Variants in CHL1 observed in about 807,000 individuals in gnomAD.
CHL1 encodes the protein cell adhesion molecule L1 like, also known as neural cell adhesion molecule L1-like protein.
Under a neutral mutation model 141.9 loss-of-function variants are expected in CHL1, and 96 were observed. The observed-to-expected ratio is 0.68, with a 90% confidence interval of 0.57 to 0.80. CHL1 has a LOEUF of 0.80. Among genes scored for constraint, CHL1 ranks in the 30% least tolerant of loss-of-function variants. The pLI is 0.00. For missense variants in CHL1, 1,820 were observed against 1,457.2 expected, an observed-to-expected ratio of 1.25 and a Z score of -4.05; for synonymous variants, 613 against 502.2, an observed-to-expected ratio of 1.22 and a Z score of -2.95.
At chr3:339,549 CCAAAGT>C (rs1454266150) in intron 5 of CHL1, among the ~76,000 whole-genome samples, 1 of 152,138 alleles carries the variant, frequency 6.6e-6, no homozygotes, top group Non-Finnish European at 1.5e-5. Context: ...ATAAAGAGAA[CCAAAGT>C]CTGCCTTCCG....
intron 1 of CHL1, among the ~76,000 whole-genome samples, chr3:216,942 T>C (rs922254661): frequency 6.6e-6 from 1 of 152,210 alleles, no homozygotes; most frequent in Non-Finnish European, 1.5e-5. Flanking sequence ...CAGCATAAGA[T>C]ATTAAATCAC....
At chr3:334,670 A>G (rs1022829337) in intron 5 of CHL1, among the ~76,000 whole-genome samples, 2 of 152,178 alleles carry the variant, frequency 1.3e-5, no homozygotes, top group Non-Finnish European at 2.9e-5. Context: ...CTGTTAATCC[A>G]TCCACCAGTT....
In CHL1 at chr3:405,832, CAACA is replaced by C. The variant is rs548845003; in HGVS notation, c.*122_*125del. ...CTGGCCGAAGATTTCATCCAGAAGTCAACATCCTGCAATTATGTTGAAAAGAGTA... is the reference window on the plus strand; with the variant it reads ...CTGGCCGAAGATTTCATCCAGAAGTCTCCTGCAATTATGTTGAAAAGAGTA... On this transcript the variant is annotated 3_prime_UTR_variant, in exon 28 of 28. Transcript: ENST00000256509. 2,805 of 666,874 alleles carry C rather than the reference CAACA, an allele frequency of 4.2e-3. 60 individuals are homozygous for C. In the African/African-American group the frequency reaches 0.044, roughly 10 times the overall value. The allele number at this position is 666,874 out of a possible 1,614,324, so 41.3% of individuals were successfully genotyped here.
At chr3:383,341 T>C (rs1327307687) in intron 18 of CHL1, among the ~76,000 whole-genome samples, 1 of 152,198 alleles carries the variant, frequency 6.6e-6, no homozygotes, top group Non-Finnish European at 1.5e-5. Flanking sequence ...TCATGACTAC[T>C]GTACAGGTTT....
chr3:276,648 G>T (rs915926191), intron 2 of CHL1, among the ~76,000 whole-genome samples: 1 of 151,872 alleles, frequency 6.6e-6, no homozygotes, highest in Non-Finnish European at 1.5e-5. Flanking sequence ...CCAGCACTTT[G>T]GGAGGCCGAG....
At chr3:251,043 C>G (rs1205144635) in intron 2 of CHL1, among the ~76,000 whole-genome samples, 1 of 152,000 alleles carries the variant, frequency 6.6e-6, no homozygotes, top group Non-Finnish European at 1.5e-5. Flanking sequence ...ATAATGCAAA[C>G]AAATGTAAAA....
chr3:383,526 A>G (rs1291132585), intron 18 of CHL1, among the ~76,000 whole-genome samples: 1 of 152,214 alleles, frequency 6.6e-6, no homozygotes, highest in Non-Finnish European at 1.5e-5. Flanking sequence ...AATTTTAAAA[A>G]GCAGTTTTAA....
intron 2 of CHL1, among the ~76,000 whole-genome samples, chr3:284,974 A>G (rs1458427999): frequency 6.6e-6 from 1 of 152,194 alleles, no homozygotes; most frequent in Non-Finnish European, 1.5e-5. Flanking sequence ...ATTCTCATGA[A>G]TATTTCCCTT....
At chr3:294,723 T>C (rs11718181) in intron 2 of CHL1, among the ~76,000 whole-genome samples, 40,732 of 152,062 alleles carry the variant, frequency 0.27, 5,710 homozygotes, top group Middle Eastern at 0.41. Flanking sequence ...ATATAGTCAA[T>C]ATAATTAGTA....
chr3:391,863 G>A, intron 23 of CHL1, 66 bp downstream of exon 23: 1 of 1,283,686 alleles, frequency 7.8e-7, no homozygotes, highest in Non-Finnish European at 1.1e-6. Flanking sequence ...TATTCTCTGT[G>A]CTATGTTGGG....
chr3:378,047 T>C (rs1338999276), intron 16 of CHL1, 105 bp downstream of exon 16: 3 of 974,262 alleles, frequency 3.1e-6, no homozygotes, highest in African/African-American at 1.7e-5. Flanking sequence ...CCTGCACATA[T>C]ATTGTTAGTT....
At chr3:239,369 C>T (rs1287867939) in intron 1 of CHL1, among the ~76,000 whole-genome samples, 2 of 152,176 alleles carry the variant, frequency 1.3e-5, no homozygotes, top group East Asian at 3.9e-4. Flanking sequence ...GATCGCACAA[C>T]AAGTAAGTGC....
At chr3:324,225 A>C (rs991091540) in intron 3 of CHL1, among the ~76,000 whole-genome samples, 1 of 152,098 alleles carries the variant, frequency 6.6e-6, no homozygotes, top group African/African-American at 2.4e-5. Context: ...GTCCAATGTC[A>C]CAGGTTTTAG....
chr3:389,806 C>G (rs1248495295), intron 20 of CHL1, among the ~76,000 whole-genome samples: 1 of 152,162 alleles, frequency 6.6e-6, no homozygotes, highest in East Asian at 1.9e-4. Flanking sequence ...TACATCTGCC[C>G]TTTGCCCTTA....
chr3:401,561 G>A, intron 26 of CHL1, 65 bp from the exon 27 acceptor site: 5 of 903,838 alleles, frequency 5.5e-6, no homozygotes, highest in Non-Finnish European at 7.1e-6. Flanking sequence ...CTATTCCACA[G>A]CACTGGTAAA....
chr3:363,168 A>T, intron 13 of CHL1, 49 bp from the exon 14 acceptor site: 1 of 1,534,390 alleles, frequency 6.5e-7, no homozygotes, highest in Non-Finnish European at 8.9e-7. Flanking sequence ...TAAAAAGCGT[A>T]TACAATTTTG....
chr3:349,363 A>G lies in CHL1; in HGVS notation c.853A>G (p.Thr285Ala), dbSNP rs1486745500. Residue 285 changes from threonine (T) to alanine (A), a missense_variant, in exon 10 of 28, where the codon ACT becomes GCT. Coordinates refer to ENST00000256509, the MANE Select transcript of CHL1 (RefSeq NM_006614.4). ...LLECFAEGLP[T>A]PQVDWNKIGG... Reference sequence around the variant, plus strand: ...TTATTTAACTATTTTTTGCAGGCCAACTCCACAGGTTGATTGGAACAAAAT... The same window carrying G: ...TTATTTAACTATTTTTTGCAGGCCAGCTCCACAGGTTGATTGGAACAAAAT... The G allele has an allele frequency of 1.2e-6, 2 of 1,610,384 alleles. No homozygotes were observed. Among genetic ancestry groups the G allele is most frequent in the Non-Finnish European group, 1.7e-6 (2 of 1,178,910 alleles).
intron 2 of CHL1, among the ~76,000 whole-genome samples, chr3:284,874 A>AT (rs1696992458): frequency 6.6e-6 from 1 of 151,990 alleles, no homozygotes. Context: ...TTATAATTCC[A>AT]TTGGTAGTAG....
chr3:376,371 TG>T (rs1403901289), intron 15 of CHL1: 1 of 516,076 alleles, frequency 1.9e-6, no homozygotes, highest in African/African-American at 1.9e-5. Context: ...CATCTCCAAA[TG>T]TACTGATTTG....
Sources: allele counts gnomAD v4.1 joint callset (sites outside exome capture counted in the v4.1 genomes callset), GRCh38; gene constraint gnomAD v4.1.1; transcripts MANE v1.5; gene names NCBI Gene and HGNC (gene_info 2026-07-23, HGNC 2026-07-21).